AP3S1: variants seen among roughly 807,000 people sequenced by gnomAD.
The protein encoded by AP3S1 is adaptor related protein complex 3 subunit sigma 1.
A neutral mutation model predicts 21.3 loss-of-function variants in AP3S1; 12 were observed. The ratio of observed to expected loss-of-function variants is 0.56; its 90% CI spans 0.36 to 0.91. The LOEUF (loss-of-function observed/expected upper bound fraction) is 0.91. AP3S1 is among the 40% of genes least tolerant of loss of function. The pLI is 0.01. For missense variants in AP3S1, 116 were observed against 225.0 expected, an observed-to-expected ratio of 0.52 and a Z score of 3.10; for synonymous variants, 48 against 78.4, an observed-to-expected ratio of 0.61 and a Z score of 2.05.
chr5:115,858,279 C>T (rs953502189), intron 1 of AP3S1, among the ~76,000 whole-genome samples: 1 of 152,202 alleles, frequency 6.6e-6, no homozygotes, highest in African/African-American at 2.4e-5. Flanking sequence ...TTTATTATGA[C>T]TCCACATTGA....
intron 5 of AP3S1, among the ~76,000 whole-genome samples, chr5:115,910,419 A>G (rs990568770): frequency 1.3e-5 from 2 of 152,186 alleles, no homozygotes; most frequent in African/African-American, 4.8e-5. Context: ...TGTACTGCTA[A>G]CAAGTCAGGT....
intron 1 of AP3S1, among the ~76,000 whole-genome samples, chr5:115,845,312 A>G (rs1434286854): frequency 1.3e-5 from 2 of 152,330 alleles, no homozygotes; most frequent in African/African-American, 4.8e-5. Flanking sequence ...CCATTTGCCA[A>G]CAAGTTTATC....
intron 5 of AP3S1, among the ~76,000 whole-genome samples, chr5:115,905,180 A>G (rs952677384): frequency 6.6e-6 from 1 of 152,224 alleles, no homozygotes; most frequent in Non-Finnish European, 1.5e-5. Flanking sequence ...AAAGTTATGA[A>G]GGACCTATAA....
intron 1 of AP3S1, among the ~76,000 whole-genome samples, chr5:115,848,142 A>G (rs1762192135): frequency 1.4e-5 from 2 of 140,058 alleles, no homozygotes; most frequent in African/African-American, 3.0e-5. Context: ...TGACGTACCT[A>G]TATTATATTC....
intron 1 of AP3S1, among the ~76,000 whole-genome samples, chr5:115,850,510 A>T (rs1016180735): frequency 6.6e-6 from 1 of 152,142 alleles, no homozygotes; most frequent in African/African-American, 2.4e-5. Context: ...ATTAAACACT[A>T]ACTTCCTATT....
intron 3 of AP3S1, among the ~76,000 whole-genome samples, chr5:115,885,903 A>G (rs752486349): frequency 6.6e-6 from 1 of 152,236 alleles, no homozygotes; most frequent in African/African-American, 2.4e-5. Context: ...ATGAGATTTT[A>G]ACTGTTAACA....
chr5:115,849,086 T>G (rs1288114507), intron 1 of AP3S1, among the ~76,000 whole-genome samples: 2 of 152,220 alleles, frequency 1.3e-5, no homozygotes, highest in African/African-American at 4.8e-5. Flanking sequence ...CTGTCCATAT[T>G]CTTTCAAGTA....
At chr5:115,884,618 C>T (rs1231020499) in intron 3 of AP3S1, among the ~76,000 whole-genome samples, 4 of 152,126 alleles carry the variant, frequency 2.6e-5, no homozygotes, top group Admixed American at 6.6e-5. Flanking sequence ...TGGATATTCA[C>T]GTTTACATAG....
chr5:115,899,123 G>A (rs776104101), intron 4 of AP3S1, among the ~76,000 whole-genome samples: 14 of 152,264 alleles, frequency 9.2e-5, no homozygotes, highest in South Asian at 4.1e-4. Flanking sequence ...AGATCTGATC[G>A]GAGGCCTGTG....
At chr5:115,862,339 C>A (rs572565613) in intron 1 of AP3S1, among the ~76,000 whole-genome samples, 23 of 151,876 alleles carry the variant, frequency 1.5e-4, no homozygotes, top group African/African-American at 5.6e-4. Context: ...AAATTAAAAA[C>A]TTTGGAGATA....
At chr5:115,912,584 T>G (rs1752191458) in intron 5 of AP3S1, among the ~76,000 whole-genome samples, 1 of 152,110 alleles carries the variant, frequency 6.6e-6, no homozygotes, top group Non-Finnish European at 1.5e-5. Context: ...TTTATTTATA[T>G]TTACTACCTC....
intron 3 of AP3S1, among the ~76,000 whole-genome samples, chr5:115,890,929 C>G (rs1198287342): frequency 6.6e-6 from 1 of 152,138 alleles, no homozygotes; most frequent in Non-Finnish European, 1.5e-5. Context: ...AAATTTTCCT[C>G]TCTTCACTCC....
chr5:115,860,533 C>T (rs1380364776), intron 1 of AP3S1, among the ~76,000 whole-genome samples: 2 of 152,114 alleles, frequency 1.3e-5, no homozygotes, highest in African/African-American at 2.4e-5. Context: ...AACTTTCCAT[C>T]CTTATTTTAC....
chr5:115,865,170 T>A (rs1362632418), intron 1 of AP3S1, among the ~76,000 whole-genome samples: 1 of 152,100 alleles, frequency 6.6e-6, no homozygotes, highest in Non-Finnish European at 1.5e-5. Context: ...CTCCTCGTCC[T>A]CTGCTTCTTC....
At chr5:115,849,785 G>A (rs559746415) in intron 1 of AP3S1, among the ~76,000 whole-genome samples, 2 of 152,124 alleles carry the variant, frequency 1.3e-5, no homozygotes, top group East Asian at 3.9e-4. Flanking sequence ...TCAAAACCAG[G>A]CATGGTGTGT....
intron 1 of AP3S1, among the ~76,000 whole-genome samples, chr5:115,858,899 T>C (rs1467407534): frequency 1.3e-5 from 2 of 151,010 alleles, no homozygotes; most frequent in Non-Finnish European, 3.0e-5. Context: ...AGTTGCTTTT[T>C]CCCCTATTTT....
chr5:115,868,361 G>A (rs1022458992), intron 2 of AP3S1, among the ~76,000 whole-genome samples: 1 of 151,982 alleles, frequency 6.6e-6, no homozygotes, highest in Non-Finnish European at 1.5e-5. Flanking sequence ...CTCTTTCAGG[G>A]AACAATTGCA....
intron 1 of AP3S1, among the ~76,000 whole-genome samples, chr5:115,853,344 T>G (rs1762578914): frequency 6.6e-6 from 1 of 152,216 alleles, no homozygotes; most frequent in African/African-American, 2.4e-5. Flanking sequence ...TTGTAAGAGT[T>G]CTTAATATAC....
intron 4 of AP3S1, among the ~76,000 whole-genome samples, chr5:115,899,760 T>A (rs960151331): frequency 5.9e-5 from 9 of 152,166 alleles, no homozygotes; most frequent in African/African-American, 2.2e-4. Flanking sequence ...GACTGAAAGA[T>A]AGAAAACATG....
Sources: allele counts gnomAD v4.1 joint callset (sites outside exome capture counted in the v4.1 genomes callset), GRCh38; gene constraint gnomAD v4.1.1; transcripts MANE v1.5; gene names NCBI Gene and HGNC (gene_info 2026-07-23, HGNC 2026-07-21).